LINGO2: variants seen among roughly 807,000 people sequenced by gnomAD.
LINGO2 encodes the protein leucine rich repeat and Ig domain containing 2.
In LINGO2, 14 loss-of-function variants were observed where a neutral mutation model predicts 30.6. The ratio of observed to expected loss-of-function variants is 0.46; its 90% CI spans 0.30 to 0.72. The LOEUF is 0.72. Ranked by LOEUF, LINGO2 falls within the 30% of genes least tolerant of loss-of-function variation. The pLI, the probability that LINGO2 is intolerant of heterozygous loss-of-function variation, is 0.07. For synonymous variants in LINGO2, 317 were observed against 288.5 expected (o/e 1.10, Z -1.00); for missense variants, 729 against 751.7 (o/e 0.97, Z 0.35).
chr9:28,282,750 C>T (rs1024744192), intron 4 of LINGO2, among the ~76,000 whole-genome samples: 3 of 152,004 alleles, frequency 2.0e-5, no homozygotes, highest in Admixed American at 6.6e-5. Flanking sequence ...TTCTACAAGT[C>T]GGAATTCTTG....
chr9:28,117,164 T>C (rs937553469), intron 4 of LINGO2, among the ~76,000 whole-genome samples: 2,186 of 144,084 alleles, frequency 0.015, 21 homozygotes, highest in Non-Finnish European at 0.023. Flanking sequence ...GTTGGAATAC[T>C]CTGCCATGTG....
intron 2 of LINGO2, among the ~76,000 whole-genome samples, chr9:28,374,060 A>G (rs1821017052): frequency 6.6e-6 from 1 of 152,060 alleles, no homozygotes. Context: ...CCCGCACAAC[A>G]ACCTCATGAG....
chr9:28,292,026 G>T (rs2134171361), intron 4 of LINGO2, among the ~76,000 whole-genome samples: 1 of 152,262 alleles, frequency 6.6e-6, no homozygotes, highest in Non-Finnish European at 1.5e-5. Flanking sequence ...AGTGCTTATG[G>T]GGGAAGAAAG....
chr9:28,602,229 A>G lies in LINGO2; in HGVS notation c.-365+67971T>C, dbSNP rs975343434. On this transcript the variant is annotated intron_variant, in intron 1 of 5. Transcript: ENST00000379992. ...ATGGGCTGTTTTGTGTTCCTTTATT[A>G]GTCATTCATTGGCTTGGGGCCATGG... Among the ~76,000 whole-genome samples, 4 of 152,056 alleles carry G rather than the reference A, an allele frequency of 2.6e-5. No homozygotes were observed. In the South Asian group the frequency reaches 8.3e-4, roughly 31 times the overall value.
At chr9:28,643,278 A>G (rs771894798) in intron 1 of LINGO2, among the ~76,000 whole-genome samples, 17 of 152,136 alleles carry the variant, frequency 1.1e-4, no homozygotes, top group Non-Finnish European at 2.2e-4. Flanking sequence ...ACATGACCTG[A>G]CTTCAAATTA....
At chr9:28,815,640 C>T in the LINGO2 span, among the ~76,000 whole-genome samples, 2 of 152,168 alleles carry the variant, frequency 1.3e-5, no homozygotes, top group East Asian at 3.9e-4. Context: ...ATAACAATTA[C>T]CACCAGCACT....
chr9:29,105,124 C>G, the LINGO2 span, among the ~76,000 whole-genome samples: 2 of 152,122 alleles, frequency 1.3e-5, no homozygotes, highest in African/African-American at 4.8e-5. Flanking sequence ...CCTAATTCAT[C>G]AAATCTTCAT....
the LINGO2 span, among the ~76,000 whole-genome samples, chr9:29,169,012 C>T: frequency 2.6e-5 from 4 of 152,066 alleles, no homozygotes; most frequent in East Asian, 3.9e-4. Context: ...GCAATGGTGT[C>T]GTCTTGGCTA....
intron 4 of LINGO2, among the ~76,000 whole-genome samples, chr9:28,012,692 A>G (rs1366234206): frequency 6.6e-6 from 1 of 151,888 alleles, no homozygotes; most frequent in Non-Finnish European, 1.5e-5. Context: ...ATCATCAGTT[A>G]TTTCAGTTGG....
intron 3 of LINGO2, among the ~76,000 whole-genome samples, chr9:28,312,595 A>G (rs1824673368): frequency 2.6e-5 from 4 of 152,312 alleles, no homozygotes; most frequent in Admixed American, 2.6e-4. Context: ...TTAAGGCACT[A>G]GTAGTATTTA....
chr9:29,088,670 C>T, the LINGO2 span, among the ~76,000 whole-genome samples: 1 of 152,120 alleles, frequency 6.6e-6, no homozygotes, highest in African/African-American at 2.4e-5. Context: ...AAATATATTA[C>T]ACTATAGATA....
rs141954770 is a variant in LINGO2 at position 28,275,854 on chromosome 9, T to C, written c.-87+19354A>G. Among the ~76,000 whole-genome samples the C allele has an allele frequency of 2.9e-3, 435 of 152,286 alleles. 3 individuals are homozygous for C. The highest frequency in any genetic ancestry group is 0.01 in the African/African-American group (417 of 41,582). On this transcript the variant is annotated intron_variant, in intron 4 of 5. Transcript: ENST00000379992. ...AGGAAATAAAACAATGAAGGGAACA[T>C]TCAAGCTTGACCTGATCCTGTTGTG...
At chr9:28,293,725 G>C (rs1823823816) in intron 4 of LINGO2, among the ~76,000 whole-genome samples, 1 of 152,058 alleles carries the variant, frequency 6.6e-6, no homozygotes, top group African/African-American at 2.4e-5. Flanking sequence ...TTCTAACTCT[G>C]AGGTTTTGAC....
At chr9:28,774,662 G>C in the LINGO2 span, among the ~76,000 whole-genome samples, 1 of 152,062 alleles carries the variant, frequency 6.6e-6, no homozygotes, top group Non-Finnish European at 1.5e-5. Context: ...CAGATACAGT[G>C]ACTGCACTTC....
chr9:29,060,936 T>C, the LINGO2 span, among the ~76,000 whole-genome samples: 2 of 151,856 alleles, frequency 1.3e-5, no homozygotes, highest in African/African-American at 4.8e-5. Context: ...AGACCCAGGA[T>C]AGGTAAAATA....
the LINGO2 span, among the ~76,000 whole-genome samples, chr9:29,176,192 T>A: frequency 2.6e-5 from 4 of 151,806 alleles, no homozygotes; most frequent in Non-Finnish European, 5.9e-5. Context: ...ATGAGAAAAA[T>A]TGGGCTCTGA....
At chr9:29,199,770 T>A in the LINGO2 span, among the ~76,000 whole-genome samples, 1 of 152,166 alleles carries the variant, frequency 6.6e-6, no homozygotes, top group Non-Finnish European at 1.5e-5. Flanking sequence ...GAGGCCTATC[T>A]GACATTTTAT....
At chr9:28,163,762 C>T (rs1432633150) in intron 4 of LINGO2, among the ~76,000 whole-genome samples, 1 of 152,098 alleles carries the variant, frequency 6.6e-6, no homozygotes, top group African/African-American at 2.4e-5. Context: ...TAAGCATCAC[C>T]ACACACCCCA....
chr9:28,460,901 A>G lies in LINGO2; in HGVS notation c.-279+15039T>C, dbSNP rs975450681. ...ACTTCGTCATACAAATAGACTAAAA[A>G]TGTCTAGAAACTGTTGTATCATTTC... On this transcript the variant is annotated intron_variant, in intron 2 of 5. Coordinates refer to ENST00000379992, the Ensembl canonical transcript of LINGO2. Among the ~76,000 whole-genome samples, 4 of 152,116 alleles carry G rather than the reference A, an allele frequency of 2.6e-5. No homozygotes were observed. In the South Asian group the frequency reaches 8.3e-4, roughly 32 times the overall value.
Sources: gnomAD v4.1 joint callset for allele counts (sites outside exome capture counted in the v4.1 genomes callset) on GRCh38, gnomAD v4.1.1 for gene constraint, MANE v1.5 for transcripts, NCBI Gene and HGNC (gene_info 2026-07-23, HGNC 2026-07-21) for gene names.